IGF1: variants seen among roughly 807,000 people sequenced by gnomAD.
IGF1 encodes insulin like growth factor 1, also known as insulin-like growth factor 1.
Under a neutral mutation model 13.8 loss-of-function variants are expected in IGF1, and 4 were observed. That is an observed-to-expected ratio of 0.29 (90% confidence interval 0.14 to 0.66). The LOEUF (loss-of-function observed/expected upper bound fraction) is 0.66, where lower values mean the gene tolerates loss of function less well. Among genes scored for constraint, IGF1 ranks in the 30% least tolerant of loss-of-function variants. The pLI is 0.78. For missense variants in IGF1, 124 were observed against 188.5 expected (o/e 0.66, Z 2.00); for synonymous variants, 76 against 72.6 (o/e 1.05, Z -0.23).
chr12:102,452,599 G>A (rs1879061225), intron 2 of IGF1, among the ~76,000 whole-genome samples: 1 of 152,178 alleles, frequency 6.6e-6, no homozygotes, highest in South Asian at 2.1e-4. Flanking sequence ...CATTCAGCAT[G>A]CTTATTTGAC....
At chr12:102,457,465 A>G (rs527565739) in intron 2 of IGF1, among the ~76,000 whole-genome samples, 2 of 152,172 alleles carry the variant, frequency 1.3e-5, no homozygotes, top group Non-Finnish European at 2.9e-5. Context: ...TTTTTTCCTA[A>G]GCTTTTCATC....
intron 3 of IGF1, among the ~76,000 whole-genome samples, chr12:102,419,233 G>A (rs1419763195): frequency 6.6e-6 from 1 of 152,214 alleles, no homozygotes; most frequent in Non-Finnish European, 1.5e-5. Context: ...GTGTGAGAAA[G>A]CCAGGACTTC....
At chr12:102,443,595 TCA>T (rs1219085417) in intron 2 of IGF1, among the ~76,000 whole-genome samples, 10 of 152,102 alleles carry the variant, frequency 6.6e-5, no homozygotes, top group Non-Finnish European at 1.3e-4. Flanking sequence ...ACTCTGTTTC[TCA>T]CAGAGTATTT....
At chr12:102,436,152 C>T (rs1877205168) in intron 2 of IGF1, among the ~76,000 whole-genome samples, 1 of 152,154 alleles carries the variant, frequency 6.6e-6, no homozygotes, top group Admixed American at 6.5e-5. Context: ...TTCAAAGTAA[C>T]AAACTGAACT....
chr12:102,470,931 G>C (rs1880647420), intron 2 of IGF1, among the ~76,000 whole-genome samples: 1 of 152,192 alleles, frequency 6.6e-6, no homozygotes, highest in African/African-American at 2.4e-5. Context: ...TCACAGTCAG[G>C]AGAGTGAGAG....
intron 2 of IGF1, among the ~76,000 whole-genome samples, chr12:102,425,941 T>C (rs1849884401): frequency 6.6e-6 from 1 of 152,208 alleles, no homozygotes. Flanking sequence ...AGAAAAATAT[T>C]GTCCTAAGGG....
At chr12:102,460,217 C>A (rs983145977) in intron 2 of IGF1, among the ~76,000 whole-genome samples, 7 of 152,252 alleles carry the variant, frequency 4.6e-5, no homozygotes, top group African/African-American at 1.4e-4. Context: ...GTGGACCAAA[C>A]AAAACATGTC....
Position 102,480,177 on chromosome 12 carries a change from A to G in IGF1, c.63+142T>C, listed in dbSNP as rs1048631176. ...CGAGCTATTTTTCAGATTCCACAGAATTGCATATTCAGCAATTTATAAATA... is the reference window on the plus strand; with the variant it reads ...CGAGCTATTTTTCAGATTCCACAGAGTTGCATATTCAGCAATTTATAAATA... On this transcript the variant is annotated intron_variant, in intron 1 of 3. Coordinates refer to ENST00000337514, the MANE Select transcript of IGF1 (RefSeq NM_000618.5). 7.0e-5 allele frequency: 55 copies of G among 785,766 alleles called. 1 individual carries two copies. The East Asian group carries it at 1.4e-3, about 20-fold the overall frequency. The allele number at this position is 785,766 out of a possible 1,614,324, so 48.7% of individuals were successfully genotyped here. A position where few individuals can be genotyped will look rare whatever the true frequency, so the allele number is the denominator to read the frequency against.
rs143389075 is a variant in IGF1, at chr12:102,425,832, G to T, written c.221-6142C>A. 2.5e-3 allele frequency among the ~76,000 whole-genome samples: 376 copies of T among 152,300 alleles called. 4 individuals are homozygous for T. Among genetic ancestry groups the T allele is most frequent in the African/African-American group, 8.5e-3 (354 of 41,568 alleles). On this transcript the variant is annotated intron_variant, in intron 2 of 3. Coordinates refer to ENST00000337514, the MANE Select transcript of IGF1 (RefSeq NM_000618.5). ...CCCTGGAGGATGAGTGTCTTGCCAG[G>T]ACAGCACAATTTACTAGCTTAGGTC...
At chr12:102,431,856 G>C (rs955914516) in intron 2 of IGF1, among the ~76,000 whole-genome samples, 1 of 152,190 alleles carries the variant, frequency 6.6e-6, no homozygotes, top group South Asian at 2.1e-4. Context: ...TCCCTTGAGA[G>C]AGAAGTCTGT....
chr12:102,448,215 T>G (rs1483393671), intron 2 of IGF1, among the ~76,000 whole-genome samples: 1 of 148,134 alleles, frequency 6.8e-6, no homozygotes, highest in Non-Finnish European at 1.5e-5. Context: ...CTATAAATCA[T>G]GCTGCTATAA....
At chr12:102,430,482 G>A (rs1876640652) in intron 2 of IGF1, among the ~76,000 whole-genome samples, 1 of 152,186 alleles carries the variant, frequency 6.6e-6, no homozygotes, top group Non-Finnish European at 1.5e-5. Flanking sequence ...CATATGATAA[G>A]GATAGAAGGA....
At chr12:102,449,169 C>T (rs1878670877) in intron 2 of IGF1, among the ~76,000 whole-genome samples, 1 of 152,102 alleles carries the variant, frequency 6.6e-6, no homozygotes, top group African/African-American at 2.4e-5. Flanking sequence ...CAGTGATAGA[C>T]TGGAAGAAGA....
At chr12:102,475,939 C>T (rs923033709) in intron 1 of IGF1, 140 bp from the exon 2 acceptor site, 4 of 867,692 alleles carry the variant, frequency 4.6e-6, no homozygotes, top group African/African-American at 3.3e-5. Context: ...CAATAGAGTA[C>T]ATGAGAACCC....
At chr12:102,427,570 C>A (rs1299955395) in intron 2 of IGF1, among the ~76,000 whole-genome samples, 3 of 152,140 alleles carry the variant, frequency 2.0e-5, no homozygotes, top group Non-Finnish European at 4.4e-5. Context: ...GTTTTTTGCT[C>A]AGGGCACATC....
intron 1 of IGF1, chr12:102,478,522 T>C (rs1881211495): frequency 6.2e-7 from 1 of 1,611,302 alleles, no homozygotes; most frequent in African/African-American, 1.3e-5. Context: ...TCCAGGTCTT[T>C]TACAGCAGGT....
At chr12:102,428,919 G>C (rs958441521) in intron 2 of IGF1, among the ~76,000 whole-genome samples, 1 of 152,196 alleles carries the variant, frequency 6.6e-6, no homozygotes, top group African/African-American at 2.4e-5. Context: ...ATCTCTGATA[G>C]TATGAATGGG....
At chr12:102,431,758 A>C (rs1876758810) in intron 2 of IGF1, among the ~76,000 whole-genome samples, 1 of 152,206 alleles carries the variant, frequency 6.6e-6, no homozygotes, top group Non-Finnish European at 1.5e-5. Flanking sequence ...TGGACCCACT[A>C]ACCCCAGGAT....
intron 2 of IGF1, among the ~76,000 whole-genome samples, chr12:102,442,280 T>C (rs886825132): frequency 2.6e-5 from 4 of 152,088 alleles, no homozygotes; most frequent in Admixed American, 6.6e-5. Flanking sequence ...AGAATCTTCC[T>C]GCCTAGACAG....
Sources: gnomAD v4.1 joint callset for allele counts (sites outside exome capture counted in the v4.1 genomes callset) on GRCh38, gnomAD v4.1.1 for gene constraint, MANE v1.5 for transcripts, NCBI Gene and HGNC (gene_info 2026-07-23, HGNC 2026-07-21) for gene names.